Variants in OR7E24 observed in about 807,000 individuals in gnomAD.
The protein encoded by OR7E24 is olfactory receptor family 7 subfamily E member 24.
For synonymous variants in OR7E24, 130 were observed against 157.5 expected (o/e 0.83, Z 1.31); for missense variants, 385 against 410.3 (o/e 0.94, Z 0.53).
chr19:9,224,132 G>A, the OR7E24 span, among the ~76,000 whole-genome samples: 2 of 152,014 alleles, frequency 1.3e-5, no homozygotes, highest in African/African-American at 4.8e-5. Flanking sequence ...TTACAGGTGT[G>A]AGCCACTGCA....
the OR7E24 span, chr19:9,219,213 G>T: frequency 6.6e-6 from 1 of 152,098 alleles, no homozygotes; most frequent in African/African-American, 2.4e-5. Flanking sequence ...GAGCATAGTA[G>T]ATCTTCCGTG....
chr19:9,233,462 C>T, the OR7E24 span, among the ~76,000 whole-genome samples: 77 of 152,332 alleles, frequency 5.1e-4, no homozygotes, highest in African/African-American at 1.7e-3. Context: ...CAGACTCACA[C>T]GTGACTTGTG....
the OR7E24 span, among the ~76,000 whole-genome samples, chr19:9,233,764 C>T: frequency 3.3e-5 from 5 of 152,118 alleles, no homozygotes; most frequent in African/African-American, 1.2e-4. Context: ...ATGATATGGC[C>T]GTTGTATGCC....
At chr19:9,225,689 G>T in the OR7E24 span, among the ~76,000 whole-genome samples, 1 of 152,164 alleles carries the variant, frequency 6.6e-6, no homozygotes, top group African/African-American at 2.4e-5. Flanking sequence ...CATGGGGAAT[G>T]CCACTCCTTG....
chr19:9,229,237 T>A, the OR7E24 span, among the ~76,000 whole-genome samples: 1 of 152,140 alleles, frequency 6.6e-6, no homozygotes, highest in Non-Finnish European at 1.5e-5. Context: ...CTTATAGAAA[T>A]TAAACTTTCC....
the OR7E24 span, chr19:9,214,994 G>A: frequency 1.7e-6 from 1 of 590,194 alleles, no homozygotes. Context: ...TCAGGAAGTG[G>A]TATCTATTTT....
chr19:9,215,360 A>C, the OR7E24 span, among the ~76,000 whole-genome samples: 2 of 150,652 alleles, frequency 1.3e-5, no homozygotes, highest in African/African-American at 5.0e-5. Context: ...AAAAAAAAAA[A>C]AAAAACCTCT....
upstream of OR7E24, among the ~76,000 whole-genome samples, chr19:9,244,989 A>T (rs2066125187): frequency 1.3e-5 from 2 of 151,948 alleles, no homozygotes; most frequent in South Asian, 4.1e-4. Flanking sequence ...AGATCACCTG[A>T]GGTCAGGAGT....
upstream of OR7E24, among the ~76,000 whole-genome samples, chr19:9,244,498 TG>T (rs1354596376): frequency 6.6e-6 from 1 of 152,198 alleles, no homozygotes; most frequent in African/African-American, 2.4e-5. Flanking sequence ...GATTTCAAAA[TG>T]CAGAAGAATG....
At chr19:9,207,698 C>G in the OR7E24 span, 1 of 152,308 alleles carries the variant, frequency 6.6e-6, no homozygotes, top group Admixed American at 6.5e-5. Context: ...GGTTTCTAAG[C>G]CATTGTCTTT....
At chr19:9,213,388 T>A in the OR7E24 span, 1 of 151,542 alleles carries the variant, frequency 6.6e-6, no homozygotes, top group Non-Finnish European at 1.5e-5. Context: ...TAGGAGAAAC[T>A]AACACAAAAA....
At chr19:9,240,063 G>T in the OR7E24 span, among the ~76,000 whole-genome samples, 3 of 151,978 alleles carry the variant, frequency 2.0e-5, no homozygotes, top group African/African-American at 7.3e-5. Flanking sequence ...TCGAGATGGG[G>T]TCTCCCTAGG....
At chr19:9,236,341 C>T in the OR7E24 span, among the ~76,000 whole-genome samples, 3,010 of 152,022 alleles carry the variant, frequency 0.02, 83 homozygotes, top group African/African-American at 0.068. Context: ...GAAACCCTGT[C>T]TCTACCAAAA....
At chr19:9,234,810 A>T in the OR7E24 span, among the ~76,000 whole-genome samples, 1 of 152,218 alleles carries the variant, frequency 6.6e-6, no homozygotes, top group South Asian at 2.1e-4. Flanking sequence ...CTTAATCATG[A>T]TTATACACCT....
the OR7E24 span, among the ~76,000 whole-genome samples, chr19:9,217,287 G>A: frequency 6.6e-6 from 1 of 152,062 alleles, no homozygotes; most frequent in Non-Finnish European, 1.5e-5. Flanking sequence ...TGATAAGTTT[G>A]ATATAAAAAT....
the OR7E24 span, among the ~76,000 whole-genome samples, chr19:9,233,812 A>C: frequency 6.6e-6 from 1 of 152,044 alleles, no homozygotes; most frequent in Non-Finnish European, 1.5e-5. Context: ...GGATCATCTC[A>C]TTTAATTTCA....
At chr19:9,219,930 G>A in the OR7E24 span, among the ~76,000 whole-genome samples, 2 of 152,264 alleles carry the variant, frequency 1.3e-5, no homozygotes, top group Middle Eastern at 3.4e-3. Context: ...ACTAAACTCA[G>A]GAATCATCTC....
chr19:9,232,824 G>A, the OR7E24 span, among the ~76,000 whole-genome samples: 2 of 150,978 alleles, frequency 1.3e-5, no homozygotes, highest in South Asian at 2.1e-4. Context: ...TACCCCAAAC[G>A]AATGACACTG....
At chr19:9,230,046 A>G in the OR7E24 span, among the ~76,000 whole-genome samples, 16 of 143,072 alleles carry the variant, frequency 1.1e-4, no homozygotes, top group South Asian at 3.6e-3. Context: ...AAGTTCCTGT[A>G]TTTTTTTTTT....
Sources: gnomAD v4.1 joint callset for allele counts (sites outside exome capture counted in the v4.1 genomes callset) on GRCh38, gnomAD v4.1.1 for gene constraint, MANE v1.5 for transcripts, NCBI Gene and HGNC (gene_info 2026-07-23, HGNC 2026-07-21) for gene names.